NRXN3: variants seen among roughly 807,000 people sequenced by gnomAD.
NRXN3 encodes neurexin 3.
In NRXN3, 32 loss-of-function variants were observed where a neutral mutation model predicts 137.6. The observed-to-expected ratio is 0.23, with a 90% CI of 0.18 to 0.31. NRXN3 has a LOEUF of 0.31. Ranked by LOEUF, NRXN3 falls within the 10% of genes least tolerant of loss-of-function variation. NRXN3 has a pLI of 1.00. For missense variants in NRXN3, 1,574 were observed against 2,062.5 expected, an observed-to-expected ratio of 0.76 and a Z score of 4.59; for synonymous variants, 798 against 784.5, an observed-to-expected ratio of 1.02 and a Z score of -0.29.
rs144098324 is a variant in NRXN3, at chr14:78,270,089, A to G, written c.710-8556A>G. ...TTACAGATGGGGAGGTTAGGGCTCG[A>G]AGAGATTGGCTAACATGCCTGAGCT... On this transcript the variant is annotated intron_variant, in intron 2 of 20. Coordinates refer to ENST00000335750, the MANE Select transcript of NRXN3 (RefSeq NM_001330195.2). Among the ~76,000 whole-genome samples, 5 of 152,290 alleles carry G rather than the reference A, an allele frequency of 3.3e-5. No homozygotes were observed. In the East Asian group the frequency reaches 9.7e-4, roughly 29 times the overall value.
intron 15 of NRXN3, among the ~76,000 whole-genome samples, chr14:79,146,336 C>G (rs1018127837): frequency 6.6e-6 from 1 of 152,110 alleles, no homozygotes; most frequent in African/African-American, 2.4e-5. Context: ...TAAGACAACA[C>G]AACACCAAGG....
chr14:78,520,034 T>TG (rs775732470), intron 4 of NRXN3, among the ~76,000 whole-genome samples: 47 of 152,166 alleles, frequency 3.1e-4, no homozygotes, highest in African/African-American at 1.0e-3. Flanking sequence ...CTGAAACAGT[T>TG]GGGGGTGGAC....
intron 15 of NRXN3, among the ~76,000 whole-genome samples, chr14:79,022,332 G>C (rs148089085): frequency 1.1e-4 from 16 of 152,138 alleles, no homozygotes; most frequent in Admixed American, 1.0e-3. Flanking sequence ...TTTAATAAAT[G>C]CTTCCCAATT....
chr14:79,138,071 T>C (rs2058422549), intron 15 of NRXN3, among the ~76,000 whole-genome samples: 1 of 152,222 alleles, frequency 6.6e-6, no homozygotes, highest in African/African-American at 2.4e-5. Flanking sequence ...AAACAATAAA[T>C]GATTTTTTAA....
intron 16 of NRXN3, among the ~76,000 whole-genome samples, chr14:79,513,830 C>A (rs1367411157): frequency 6.6e-6 from 1 of 152,194 alleles, no homozygotes; most frequent in Non-Finnish European, 1.5e-5. Flanking sequence ...TCTACAAAAT[C>A]ATTTGACCTC....
At chr14:78,783,768 A>C (rs1181118684) in intron 8 of NRXN3, among the ~76,000 whole-genome samples, 1 of 152,226 alleles carries the variant, frequency 6.6e-6, no homozygotes, top group Non-Finnish European at 1.5e-5. Flanking sequence ...ACTAAACTAA[A>C]GTACACACAA....
chr14:78,273,262 C>T (rs1272326025), intron 2 of NRXN3, among the ~76,000 whole-genome samples: 1 of 152,174 alleles, frequency 6.6e-6, no homozygotes, highest in Non-Finnish European at 1.5e-5. Flanking sequence ...GACTTTTGGC[C>T]AGTTACCTAA....
intron 16 of NRXN3, among the ~76,000 whole-genome samples, chr14:79,621,990 C>T (rs561755110): frequency 3.9e-5 from 6 of 152,146 alleles, no homozygotes; most frequent in Admixed American, 6.6e-5. Context: ...TAAGAATCTG[C>T]GTTCTGTCAA....
At position 79,693,938 on chromosome 14, in the gene NRXN3, GT is replaced by G. The variant is rs2154026852; in HGVS notation, c.3706+1677del. Among the ~76,000 whole-genome samples the G allele has an allele frequency of 2.0e-5, 3 of 152,014 alleles. No individual in the cohort carries two copies. In the South Asian group the frequency reaches 6.2e-4, roughly 32 times the overall value. On this transcript the variant is annotated intron_variant, in intron 18 of 20. Transcript: ENST00000335750. ...AAAAAAAATTTTTGTTGTAATTTGG[GT>G]GAGTAACATCTATGCATTCTATTGT...
At chr14:79,517,474 A>C (rs768848259) in intron 16 of NRXN3, among the ~76,000 whole-genome samples, 4 of 152,012 alleles carry the variant, frequency 2.6e-5, no homozygotes, top group Non-Finnish European at 5.9e-5. Context: ...ATAATGTTGA[A>C]GTTATCAGAC....
At chr14:79,065,333 C>T (rs925421619) in intron 15 of NRXN3, among the ~76,000 whole-genome samples, 1 of 151,954 alleles carries the variant, frequency 6.6e-6, no homozygotes, top group Non-Finnish European at 1.5e-5. Flanking sequence ...CATTAGTTTA[C>T]GTATTAGCAC....
chr14:78,200,799 G>T (rs2061606444), intron 1 of NRXN3, among the ~76,000 whole-genome samples: 1 of 152,160 alleles, frequency 6.6e-6, no homozygotes, highest in African/African-American at 2.4e-5. Context: ...CCTCATCCTT[G>T]TCATGCAAAG....
At chr14:78,902,586 C>T (rs1285507719) in intron 10 of NRXN3, among the ~76,000 whole-genome samples, 1 of 151,566 alleles carries the variant, frequency 6.6e-6, no homozygotes, top group African/African-American at 2.4e-5. Flanking sequence ...AAAGATTAGC[C>T]CCTAATTCTA....
intron 15 of NRXN3, among the ~76,000 whole-genome samples, chr14:79,151,582 G>A (rs187945186): frequency 6.6e-6 from 1 of 152,186 alleles, no homozygotes; most frequent in African/African-American, 2.4e-5. Context: ...TGCTCAAGGA[G>A]CTGAGATAAA....
chr14:78,617,376 A>G (rs2097357131), intron 4 of NRXN3, among the ~76,000 whole-genome samples: 1 of 152,152 alleles, frequency 6.6e-6, no homozygotes, highest in African/African-American at 2.4e-5. Context: ...GAGCTTTGCC[A>G]TAAAATGGTA....
intron 20 of NRXN3, among the ~76,000 whole-genome samples, chr14:79,822,444 G>A (rs1373740609): frequency 1.3e-5 from 2 of 152,120 alleles, no homozygotes; most frequent in African/African-American, 2.4e-5. Context: ...TTGTTACTAT[G>A]TATAGCATTC....
At chr14:78,791,795 C>T (rs565681310) in intron 8 of NRXN3, among the ~76,000 whole-genome samples, 9 of 152,210 alleles carry the variant, frequency 5.9e-5, no homozygotes, top group Non-Finnish European at 1.0e-4. Context: ...CTAAATGAAG[C>T]TTACCCATAG....
intron 15 of NRXN3, among the ~76,000 whole-genome samples, chr14:79,092,480 C>T (rs1052583541): frequency 1.3e-5 from 2 of 152,124 alleles, no homozygotes; most frequent in African/African-American, 4.8e-5. Context: ...CAAACAGGAA[C>T]GTGCATGCAC....
chr14:79,299,966 T>C (rs967003590), intron 15 of NRXN3, among the ~76,000 whole-genome samples: 2 of 152,076 alleles, frequency 1.3e-5, no homozygotes, highest in African/African-American at 4.8e-5. Context: ...TTGTGCAGTA[T>C]ATTGCAAGTG....
Sources: gnomAD v4.1 joint callset for allele counts (sites outside exome capture counted in the v4.1 genomes callset) on GRCh38, gnomAD v4.1.1 for gene constraint, MANE v1.5 for transcripts, NCBI Gene and HGNC (gene_info 2026-07-23, HGNC 2026-07-21) for gene names.